The following FHDC1 variants were observed in gnomAD, a reference collection of about 807,000 sequenced individuals.
The protein encoded by FHDC1 is FH2 domain-containing protein 1.
FHDC1 carries 25 observed loss-of-function variants against 52.6 expected under a neutral mutation model. The ratio of observed to expected loss-of-function variants is 0.48; its 90% confidence interval spans 0.35 to 0.66. The LOEUF (loss-of-function observed/expected upper bound fraction) is 0.66, where lower values mean the gene tolerates loss of function less well. FHDC1 is among the 30% of genes least tolerant of loss of function. FHDC1 has a pLI of 0.01. For missense variants in FHDC1, 1,459 were observed against 1,452.8 expected (o/e 1.00, Z -0.07); for synonymous variants, 616 against 581.5 (o/e 1.06, Z -0.85).
At chr4:152,954,960 T>A (rs1740039129) in intron 4 of FHDC1, among the ~76,000 whole-genome samples, 1 of 152,154 alleles carries the variant, frequency 6.6e-6, no homozygotes, top group African/African-American at 2.4e-5. Flanking sequence ...GATGAAATCC[T>A]AGTTAATGCA....
Position 152,954,977 on chromosome 4 carries a change from A to C in FHDC1, c.663+658A>C, listed in dbSNP as rs185940154. Among the ~76,000 whole-genome samples the C allele has an allele frequency of 2.0e-3, 297 of 152,306 alleles. 2 individuals are homozygous for C. The highest frequency in any genetic ancestry group is 6.9e-3 in the African/African-American group (288 of 41,588). ...TGAAATCCTAGTTAATGCATCTAAC[A>C]TGGCACTTGGCACGTGGGAGCTCAA... On this transcript the variant is annotated intron_variant, in intron 4 of 11. Coordinates refer to ENST00000511601, the MANE Select transcript of FHDC1 (RefSeq NM_001371116.1).
the FHDC1 span, among the ~76,000 whole-genome samples, chr4:152,917,820 C>T: frequency 6.6e-6 from 1 of 152,162 alleles, no homozygotes; most frequent in Non-Finnish European, 1.5e-5. Flanking sequence ...TGGGCACTAA[C>T]AATTTCTTTT....
chr4:152,966,667 G>T (rs1056867669), intron 9 of FHDC1, among the ~76,000 whole-genome samples: 1 of 152,018 alleles, frequency 6.6e-6, no homozygotes, highest in African/African-American at 2.4e-5. Context: ...TCACCATACT[G>T]GCCAGGCTGG....
chr4:152,947,313 CTG>C (rs1444731990), intron 2 of FHDC1, among the ~76,000 whole-genome samples: 1 of 151,672 alleles, frequency 6.6e-6, no homozygotes, highest in Non-Finnish European at 1.5e-5. Flanking sequence ...CTCAAAGAGA[CTG>C]TAGATATGAT....
At chr4:152,960,171 T>G (rs962259053) in intron 4 of FHDC1, among the ~76,000 whole-genome samples, 4 of 152,228 alleles carry the variant, frequency 2.6e-5, no homozygotes, top group African/African-American at 9.6e-5. Flanking sequence ...TTATAATGAC[T>G]CTACAGTCTT....
the FHDC1 span, chr4:152,912,311 A>G: frequency 1.3e-5 from 2 of 152,206 alleles, no homozygotes; most frequent in African/African-American, 4.8e-5. Context: ...AAGTAATAGA[A>G]GATAAGTACC....
chr4:152,927,586 G>C, the FHDC1 span: 3 of 1,603,278 alleles, frequency 1.9e-6, no homozygotes, highest in Non-Finnish European at 2.6e-6. Flanking sequence ...GTCCAGAGGA[G>C]GTTTATGACC....
At chr4:152,932,878 G>A (rs1478044766), upstream of FHDC1, among the ~76,000 whole-genome samples, 1 of 152,164 alleles carries the variant, frequency 6.6e-6, no homozygotes, top group Admixed American at 6.5e-5. Flanking sequence ...CTTGATGTAG[G>A]AGAAACTAAA....
At chr4:152,923,328 A>T in the FHDC1 span, among the ~76,000 whole-genome samples, 2 of 152,250 alleles carry the variant, frequency 1.3e-5, no homozygotes, top group Non-Finnish European at 2.9e-5. Flanking sequence ...TTCAAGGAGA[A>T]CTACAAACCA....
chr4:152,945,433 A>C (rs1303068243), intron 2 of FHDC1, among the ~76,000 whole-genome samples: 1 of 152,152 alleles, frequency 6.6e-6, no homozygotes, highest in African/African-American at 2.4e-5. Context: ...TAACATATAA[A>C]ATTTAGCATC....
intron 2 of FHDC1, among the ~76,000 whole-genome samples, chr4:152,947,149 G>A (rs998617406): frequency 6.6e-6 from 1 of 151,898 alleles, no homozygotes; most frequent in African/African-American, 2.4e-5. Context: ...AACCCAGGCA[G>A]GGGAGGTTGC....
intron 8 of FHDC1, among the ~76,000 whole-genome samples, chr4:152,963,793 T>TGC: frequency 7.8e-6 from 1 of 128,496 alleles, no homozygotes; most frequent in African/African-American, 3.3e-5. Flanking sequence ...TTTTTTTTTT[T>TGC]TTTTTTTTTT....
chr4:152,945,693 G>T (rs1003402359), intron 2 of FHDC1, among the ~76,000 whole-genome samples: 1 of 152,180 alleles, frequency 6.6e-6, no homozygotes, highest in African/African-American at 2.4e-5. Context: ...CTGACCTCAA[G>T]TTATCCGCCC....
At chr4:152,920,257 T>G in the FHDC1 span, among the ~76,000 whole-genome samples, 3 of 152,250 alleles carry the variant, frequency 2.0e-5, no homozygotes, top group East Asian at 5.8e-4. Flanking sequence ...TGGGAAGTTC[T>G]TTATTATAGT....
the FHDC1 span, among the ~76,000 whole-genome samples, chr4:152,920,823 A>G: frequency 6.6e-6 from 1 of 151,924 alleles, no homozygotes; most frequent in Non-Finnish European, 1.5e-5. Context: ...TCATTGTTCT[A>G]CCGAATTCTT....
At chr4:152,964,214 A>G (rs1480622397) in intron 8 of FHDC1, among the ~76,000 whole-genome samples, 3 of 152,234 alleles carry the variant, frequency 2.0e-5, no homozygotes, top group Admixed American at 2.0e-4. Context: ...TGAGCTCTCC[A>G]TAAATAACCA....
chr4:152,943,603 T>G (rs2149937687), intron 2 of FHDC1, 48 bp downstream of exon 2: 2 of 1,558,470 alleles, frequency 1.3e-6, no homozygotes, highest in East Asian at 2.3e-5. Flanking sequence ...TGCATTGTTT[T>G]GTGTTTTGGG....
At chr4:152,938,336 G>A (rs1336716821) in intron 1 of FHDC1, among the ~76,000 whole-genome samples, 1 of 152,006 alleles carries the variant, frequency 6.6e-6, no homozygotes, top group Non-Finnish European at 1.5e-5. Flanking sequence ...GGCGCTTACT[G>A]GGAACGCGTT....
At chr4:152,965,815 A>G (rs1276414944) in intron 9 of FHDC1, among the ~76,000 whole-genome samples, 2 of 152,242 alleles carry the variant, frequency 1.3e-5, no homozygotes, top group African/African-American at 4.8e-5. Context: ...GTGTCAAGCC[A>G]GTTCCTAGCA....
Sources: gnomAD v4.1 joint callset for allele counts (sites outside exome capture counted in the v4.1 genomes callset) on GRCh38, gnomAD v4.1.1 for gene constraint, MANE v1.5 for transcripts, NCBI Gene and HGNC (gene_info 2026-07-23, HGNC 2026-07-21) for gene names.